SYNE1: variants seen among roughly 807,000 people sequenced by gnomAD.
The protein encoded by SYNE1 is nesprin-1.
SYNE1 carries 616 observed loss-of-function variants against 1,111.0 expected under a neutral mutation model. The ratio of observed to expected loss-of-function variants is 0.55; its 90% CI spans 0.52 to 0.59. The LOEUF (loss-of-function observed/expected upper bound fraction) is 0.59. SYNE1 is among the 20% of genes least tolerant of loss of function. The probability of loss-of-function intolerance (pLI) is 0.00; values close to 1 mark genes in which losing one functional copy is unlikely to be tolerated. For missense variants in SYNE1, 10,006 were observed against 10,417.0 expected, an observed-to-expected ratio of 0.96 and a Z score of 1.72; for synonymous variants, 3,855 against 3,825.8, an observed-to-expected ratio of 1.01 and a Z score of -0.28.
At chr6:152,451,435 C>G (rs1270956265) in intron 25 of SYNE1, among the ~76,000 whole-genome samples, 1 of 134,606 alleles carries the variant, frequency 7.4e-6, no homozygotes, top group Admixed American at 7.5e-5. Context: ...TCAGTGATTA[C>G]TTGATTTAAT....
chr6:152,551,605 A>G (rs936066371), intron 3 of SYNE1, among the ~76,000 whole-genome samples: 2 of 152,220 alleles, frequency 1.3e-5, no homozygotes, highest in African/African-American at 4.8e-5. Flanking sequence ...AGTTCAGAAC[A>G]GTGACATGAA....
rs571678055 is a variant in SYNE1, at chr6:152,207,595, A to G, written c.22824+377T>C. 4.6e-5 allele frequency among the ~76,000 whole-genome samples: 7 copies of G among 152,346 alleles called. No homozygotes were observed. In the South Asian group the frequency reaches 1.5e-3, roughly 32 times the overall value. On this transcript the variant is annotated intron_variant, in intron 125 of 145. Coordinates refer to ENST00000367255, the MANE Select transcript of SYNE1 (RefSeq NM_182961.4). Reference sequence around the variant, plus strand: ...CTGGAAATGAACAAAGAACTCAAACAGGACAGGGCTTCCTGTCTTCTTTGG... The same window carrying G: ...CTGGAAATGAACAAAGAACTCAAACGGGACAGGGCTTCCTGTCTTCTTTGG...
At chr6:152,615,668 ATTAAT>A (rs886965521) in intron 3 of SYNE1, among the ~76,000 whole-genome samples, 28 of 152,208 alleles carry the variant, frequency 1.8e-4, no homozygotes, top group African/African-American at 6.3e-4. Context: ...CATCTTTTAC[ATTAAT>A]TTGTTATTAA....
intron 104 of SYNE1, among the ~76,000 whole-genome samples, chr6:152,253,614 A>T (rs1174050489): frequency 2.0e-5 from 3 of 152,180 alleles, no homozygotes; most frequent in Non-Finnish European, 4.4e-5. Flanking sequence ...AATTATTATC[A>T]GAACAACGTC....
intron 3 of SYNE1, among the ~76,000 whole-genome samples, chr6:152,619,046 T>TCACACACACACA (rs56677340): frequency 5.9e-5 from 8 of 135,682 alleles, no homozygotes; most frequent in Admixed American, 2.5e-4. Flanking sequence ...GGTGTGAGAA[T>TCACACACACACA]CACACACACA....
At chr6:152,425,647 A>C in intron 38 of SYNE1, 100 bp from the exon 39 acceptor site, 2 of 1,364,294 alleles carry the variant, frequency 1.5e-6, no homozygotes, top group African/African-American at 1.4e-5. Context: ...GCATTCTTGC[A>C]AAATGCAAGT....
chr6:152,306,558 TA>T lies in SYNE1; in HGVS notation c.17346+1930del, dbSNP rs978572787. On this transcript the variant is annotated intron_variant, in intron 91 of 145. Coordinates refer to ENST00000367255, the MANE Select transcript of SYNE1 (RefSeq NM_182961.4). ...ATAGAGTTGGTATAAAAAAGTGATG[TA>T]AAATTTTGTAAGTTACTTTAAAAAA... Among the ~76,000 whole-genome samples the T allele has an allele frequency of 2.0e-5, 3 of 151,556 alleles. No homozygotes were observed. In the South Asian group the frequency reaches 6.3e-4, roughly 32 times the overall value.
chr6:152,182,273 T>C (rs2068310241), intron 128 of SYNE1, among the ~76,000 whole-genome samples: 1 of 152,232 alleles, frequency 6.6e-6, no homozygotes, highest in South Asian at 2.1e-4. Flanking sequence ...ATGTTTCTAG[T>C]TGAGTTAAAC....
At chr6:152,215,117 T>C in intron 121 of SYNE1, 57 bp from the exon 122 acceptor site, 1 of 1,595,678 alleles carries the variant, frequency 6.3e-7, no homozygotes, top group Non-Finnish European at 8.6e-7. Flanking sequence ...TCAAAACTTT[T>C]TCAAAGTGCG....
rs1444579137 is a variant in SYNE1 at position 152,218,306 on chromosome 6, C to CT, written c.22141dup (p.Ser7381LysfsTer5). The CT allele has an allele frequency of 1.9e-6, 3 of 1,614,080 alleles. No individual in the cohort carries two copies. Among genetic ancestry groups the CT allele is most frequent in the Non-Finnish European group, 2.5e-6 (3 of 1,179,996 alleles). ...GATTGTGGAGAGGTCAGATGAGTGG[C>CT]TAGGGTCCTGCCCTTGTAGTATTTC... On this transcript the variant is annotated frameshift_variant, in exon 121 of 146. Coordinates refer to ENST00000367255, the MANE Select transcript of SYNE1 (RefSeq NM_182961.4). LOFTEE classifies it high-confidence loss of function.
At chr6:152,231,145 C>T (rs1423953085) in intron 114 of SYNE1, among the ~76,000 whole-genome samples, 1 of 151,956 alleles carries the variant, frequency 6.6e-6, no homozygotes, top group Non-Finnish European at 1.5e-5. Flanking sequence ...GAAGCAAAGG[C>T]AAAATAAATC....
At position 152,528,170 on chromosome 6, in the gene SYNE1, T is replaced by G. The variant is rs111696470; in HGVS notation, c.130-1995A>C. Among the ~76,000 whole-genome samples the G allele has an allele frequency of 8.6e-3, 1,312 of 152,290 alleles. 11 individuals carry two copies. Among genetic ancestry groups the G allele is most frequent in the Non-Finnish European group, 0.013 (864 of 68,032 alleles). ...ACCATGGCCATTCACCACTCAATCC[T>G]GAGTCCTTTGTTCTTTACAAATTTT... On this transcript the variant is annotated intron_variant, in intron 4 of 145. Coordinates refer to ENST00000367255, the MANE Select transcript of SYNE1 (RefSeq NM_182961.4).
At chr6:152,159,373 G>C (rs763178728) in intron 131 of SYNE1, among the ~76,000 whole-genome samples, 3 of 152,194 alleles carry the variant, frequency 2.0e-5, no homozygotes, top group Admixed American at 6.5e-5. Context: ...TGGGAATGTA[G>C]TGAGGCCAAG....
At chr6:152,448,100 T>A (rs2098607945) in intron 28 of SYNE1, among the ~76,000 whole-genome samples, 1 of 152,284 alleles carries the variant, frequency 6.6e-6, no homozygotes, top group Non-Finnish European at 1.5e-5. Flanking sequence ...AGATTTATTT[T>A]AACTTCATTA....
chr6:152,595,880 A>G (rs1175560606), intron 3 of SYNE1, among the ~76,000 whole-genome samples: 1 of 152,016 alleles, frequency 6.6e-6, no homozygotes, highest in Non-Finnish European at 1.5e-5. Context: ...ATTCTATGCT[A>G]TTATGTTTCA....
In SYNE1 at chr6:152,180,438, G is replaced by C. The variant is rs1440039447; in HGVS notation, c.23302-144C>G. On this transcript the variant is annotated intron_variant, in intron 128 of 145. Transcript: ENST00000367255. The stretch of plus-strand genomic sequence containing the variant: ...CACTGTTTCCTGAAGTCTAGGATTT[G>C]CTATTATAAAGTGGGAGACATTGAA... The C allele has an allele frequency of 5.0e-6, 4 of 803,312 alleles. No individual in the cohort carries two copies. The East Asian group carries it at 1.1e-4, about 21-fold the overall frequency. The allele number at this position is 803,312 out of a possible 1,614,324, so 49.8% of individuals were successfully genotyped here. A position where few individuals can be genotyped will look rare whatever the true frequency, so the allele number is the denominator to read the frequency against.
chr6:152,542,958 C>A (rs754957165), intron 3 of SYNE1, among the ~76,000 whole-genome samples: 1 of 151,936 alleles, frequency 6.6e-6, no homozygotes, highest in Non-Finnish European at 1.5e-5. Context: ...ATAAACATCA[C>A]AAAATACCAC....
At chr6:152,213,037 ACAT>A (rs1205350111) in intron 123 of SYNE1, among the ~76,000 whole-genome samples, 1 of 152,202 alleles carries the variant, frequency 6.6e-6, no homozygotes, top group Non-Finnish European at 1.5e-5. Flanking sequence ...GTAAATAGCA[ACAT>A]AAGGATTAAC....
In SYNE1 at chr6:152,232,098, A is replaced by C; in HGVS notation, c.20862+18T>G. The C allele has an allele frequency of 6.5e-7, 1 of 1,544,572 alleles. No homozygotes were observed. Among genetic ancestry groups the C allele is most frequent in the Non-Finnish European group, 8.9e-7 (1 of 1,120,912 alleles). ...GGTCTGAAAATATGAAAAGTTAAAAACAAAAAATTTTAATTACCTTATATT... is the reference window on the plus strand; with the variant it reads ...GGTCTGAAAATATGAAAAGTTAAAACCAAAAAATTTTAATTACCTTATATT... On this transcript the variant is annotated intron_variant, in intron 113 of 145. Transcript: ENST00000367255.
Sources: gnomAD v4.1 joint callset for allele counts (sites outside exome capture counted in the v4.1 genomes callset) on GRCh38, gnomAD v4.1.1 for gene constraint, MANE v1.5 for transcripts, NCBI Gene and HGNC (gene_info 2026-07-23, HGNC 2026-07-21) for gene names.